Variants in POU3F3 observed in about 807,000 individuals in gnomAD.
POU3F3 encodes the protein POU class 3 homeobox 3, also known as POU domain, class 3, transcription factor 3.
POU3F3 carries 1 observed loss-of-function variant against 8.6 expected under a neutral mutation model. That is an observed-to-expected ratio of 0.12 (90% CI 0.04 to 0.55). The LOEUF (loss-of-function observed/expected upper bound fraction) is 0.55. Ranked by LOEUF, POU3F3 falls within the 20% of genes least tolerant of loss-of-function variation. POU3F3 has a pLI of 0.91. For synonymous variants in POU3F3, 418 were observed against 327.4 expected (o/e 1.28, Z -2.99); for missense variants, 577 against 690.7 (o/e 0.84, Z 1.84).
chr2:104,893,684 C>T, the POU3F3 span, among the ~76,000 whole-genome samples: 1 of 152,150 alleles, frequency 6.6e-6, no homozygotes. Context: ...GAGTTTGAGA[C>T]CAGCCTGCCC....
chr2:104,867,255 G>A, the POU3F3 span: 1 of 152,230 alleles, frequency 6.6e-6, no homozygotes, highest in Non-Finnish European at 1.5e-5. This position sits in a 1 kb window ranked among gnomAD's most constrained non-coding sequence, Gnocchi z 5.0. Flanking sequence ...CTCGCAGAAG[G>A]GGATCTGGAA....
At position 104,855,447 on chromosome 2, in the gene POU3F3, C is replaced by CGCG. The variant is rs1676534020; in HGVS notation, c.-61_-59dup. On this transcript the variant is annotated 5_prime_UTR_variant, in exon 1 of 1. Coordinates refer to ENST00000361360, the MANE Select transcript of POU3F3 (RefSeq NM_006236.3). ...CGGCGGCGGCGGCGGCGGCGGCGGC[C>CGCG]GCGGCTGCTGCTGCGGCGGCGGCGG... 2 of 768,480 alleles carry CGCG rather than the reference C, an allele frequency of 2.6e-6. No individual in the cohort carries two copies. The highest frequency in any genetic ancestry group is 3.0e-6 in the Non-Finnish European group (2 of 661,596). 47.6% of individuals were successfully genotyped at this position (768,480 alleles called of 1,614,324 possible).
chr2:104,893,736 A>G, the POU3F3 span, among the ~76,000 whole-genome samples: 1 of 152,068 alleles, frequency 6.6e-6, no homozygotes, highest in African/African-American at 2.4e-5. Flanking sequence ...GCAAAAAATG[A>G]GCCGGGCATG....
the POU3F3 span, among the ~76,000 whole-genome samples, chr2:104,925,257 C>T: frequency 6.6e-6 from 1 of 152,104 alleles, no homozygotes; most frequent in African/African-American, 2.4e-5. Flanking sequence ...AAAGGTAGCC[C>T]TTTATGTCTT....
At chr2:104,916,838 C>A in the POU3F3 span, among the ~76,000 whole-genome samples, 1 of 152,144 alleles carries the variant, frequency 6.6e-6, no homozygotes, top group Non-Finnish European at 1.5e-5. Context: ...CTTGACTGCA[C>A]TAAGGGATGC....
At chr2:104,873,436 C>T in the POU3F3 span, among the ~76,000 whole-genome samples, 5 of 152,098 alleles carry the variant, frequency 3.3e-5, no homozygotes, top group African/African-American at 1.2e-4. Context: ...CCCGTGAGCG[C>T]GCCCCAGCCC....
At chr2:104,875,361 A>G in the POU3F3 span, among the ~76,000 whole-genome samples, 2 of 152,326 alleles carry the variant, frequency 1.3e-5, no homozygotes, top group South Asian at 4.1e-4. Context: ...CCAGAAGTAG[A>G]ATTGCTGAAT....
chr2:104,887,894 C>T, the POU3F3 span, among the ~76,000 whole-genome samples: 212 of 152,284 alleles, frequency 1.4e-3, 1 homozygote, highest in African/African-American at 4.8e-3. Flanking sequence ...GTGTTAAAAG[C>T]GGGGAACACT....
the POU3F3 span, among the ~76,000 whole-genome samples, chr2:104,889,640 T>A: frequency 2.0e-5 from 3 of 152,196 alleles, no homozygotes; most frequent in Non-Finnish European, 4.4e-5. Context: ...GGCCACCTCT[T>A]TAAGATGACA....
chr2:104,889,004 C>T, the POU3F3 span, among the ~76,000 whole-genome samples: 1 of 152,256 alleles, frequency 6.6e-6, no homozygotes, highest in East Asian at 1.9e-4. Flanking sequence ...AACCTAGCCT[C>T]TCACAAATGT....
At chr2:104,884,292 C>T in the POU3F3 span, among the ~76,000 whole-genome samples, 20 of 152,076 alleles carry the variant, frequency 1.3e-4, no homozygotes, top group African/African-American at 1.9e-4. Flanking sequence ...GTTAGATGCA[C>T]CCAGCAGCAG....
the POU3F3 span, among the ~76,000 whole-genome samples, chr2:104,879,184 A>T: frequency 6.6e-6 from 1 of 151,838 alleles, no homozygotes; most frequent in Admixed American, 6.6e-5. Flanking sequence ...CATGCATACA[A>T]CGTATGCAGT....
the POU3F3 span, among the ~76,000 whole-genome samples, chr2:104,922,800 A>G: frequency 6.6e-6 from 1 of 152,232 alleles, no homozygotes; most frequent in Non-Finnish European, 1.5e-5. Flanking sequence ...TAAACATCCA[A>G]GTAGCTCAAT....
At chr2:104,892,089 G>A in the POU3F3 span, among the ~76,000 whole-genome samples, 1 of 152,216 alleles carries the variant, frequency 6.6e-6, no homozygotes, top group African/African-American at 2.4e-5. Context: ...CACAGTGCCT[G>A]AGAGGGAGAC....
At chr2:104,913,566 C>CTTTG in the POU3F3 span, among the ~76,000 whole-genome samples, 1 of 152,244 alleles carries the variant, frequency 6.6e-6, no homozygotes. Flanking sequence ...CCACTCAGTC[C>CTTTG]AGGAATCACA....
chr2:104,853,694 C>T (rs949354607), upstream of POU3F3: 4 of 152,270 alleles, frequency 2.6e-5, no homozygotes, highest in African/African-American at 4.8e-5. Context: ...TCATGTTTCC[C>T]CCTTCGTTTT....
At position 104,855,781 on chromosome 2, in the gene POU3F3, C is replaced by T; in HGVS notation, c.271C>T (p.Leu91=). The T allele has an allele frequency of 2.3e-6, 3 of 1,323,616 alleles. No individual in the cohort carries two copies. Among genetic ancestry groups the T allele is most frequent in the Middle Eastern group, 2.4e-4 (1 of 4,180 alleles). The allele number at this position is 1,323,616 out of a possible 1,614,324, so 82.0% of individuals were successfully genotyped here. The change falls in exon 1 of 1, where the codon CTG becomes TTG. Residue 91 remains leucine (L), a synonymous_variant. Transcript: ENST00000361360. ...GGCCGCCAGCAACGGCGGCCATATG[C>T]TGAGCCACGCGCACCAGTGGGTCAC... ...AMAASNGGHM[L]SHAHQWVTAL...
chr2:104,881,280 C>G, the POU3F3 span, among the ~76,000 whole-genome samples: 10 of 152,038 alleles, frequency 6.6e-5, no homozygotes, highest in African/African-American at 1.2e-4. Context: ...ACCTCCACCC[C>G]CTCAGTGACT....
chr2:104,890,376 G>A, the POU3F3 span, among the ~76,000 whole-genome samples: 13 of 152,164 alleles, frequency 8.5e-5, no homozygotes, highest in African/African-American at 2.2e-4. Context: ...GATCTTTCTC[G>A]GTTGTGTGAC....
Sources: gnomAD v4.1 joint callset for allele counts (sites outside exome capture counted in the v4.1 genomes callset) on GRCh38, gnomAD v4.1.1 for gene constraint, Gnocchi (gnomAD v3.1) non-coding constraint, MANE v1.5 for transcripts, NCBI Gene and HGNC (gene_info 2026-07-23, HGNC 2026-07-21) for gene names.